Variants in SYN2 observed in about 807,000 individuals in gnomAD.
SYN2 encodes the protein synapsin-2.
SYN2 carries 19 observed loss-of-function variants against 50.9 expected under a neutral mutation model. The ratio of observed to expected loss-of-function variants is 0.37; its 90% CI spans 0.26 to 0.55. The LOEUF (loss-of-function observed/expected upper bound fraction) is 0.55, where lower values mean the gene tolerates loss of function less well. SYN2 is among the 20% of genes least tolerant of loss of function. SYN2 has a pLI of 0.81. For synonymous variants in SYN2, 255 were observed against 224.9 expected (o/e 1.13, Z -1.20); for missense variants, 587 against 576.4 (o/e 1.02, Z -0.19).
intron 1 of SYN2, among the ~76,000 whole-genome samples, chr3:12,021,967 G>T (rs955144833): frequency 6.6e-6 from 1 of 151,992 alleles, no homozygotes; most frequent in Non-Finnish European, 1.5e-5. Context: ...CTACTTTGGA[G>T]GTTGAGGCAC....
rs71044259 is a variant in SYN2, at chr3:12,057,287, C to CTGTCTGTCTGTG, written c.377+52362_377+52363insCTGTCTGTGTGT. ...AACCTGGGCGACAAGGCAAGACTGTCTGTGTGTGTGTGTGTGTGTGTGTGT... is the reference window on the plus strand; with the variant it reads ...AACCTGGGCGACAAGGCAAGACTGTCTGTCTGTCTGTGTGTGTGTGTGTGTGTGTGTGTGTGT... On this transcript the variant is annotated intron_variant, in intron 1 of 12. Coordinates refer to ENST00000621198, the MANE Select transcript of SYN2 (RefSeq NM_133625.6). Among the ~76,000 whole-genome samples the CTGTCTGTCTGTG allele has an allele frequency of 4.5e-5, 6 of 134,004 alleles. No homozygotes were observed. The East Asian group carries it at 6.5e-4, about 14-fold the overall frequency. The allele number at this position is 134,004 out of a possible 152,430, so 87.9% of individuals were successfully genotyped here.
intron 9 of SYN2, 95 bp from the exon 10 acceptor site, chr3:12,169,662 C>A: frequency 7.1e-7 from 1 of 1,413,956 alleles, no homozygotes; most frequent in African/African-American, 1.4e-5. Context: ...TCCAGTCCAT[C>A]TCTGCTGGCT....
At chr3:12,054,134 A>G (rs1694937065) in intron 1 of SYN2, among the ~76,000 whole-genome samples, 1 of 152,174 alleles carries the variant, frequency 6.6e-6, no homozygotes, top group Non-Finnish European at 1.5e-5. Flanking sequence ...TGGCAGGTAC[A>G]CCAGTCTGCC....
intron 1 of SYN2, among the ~76,000 whole-genome samples, chr3:12,131,009 A>C (rs1696786910): frequency 1.3e-5 from 2 of 152,176 alleles, no homozygotes; most frequent in Non-Finnish European, 2.9e-5. Flanking sequence ...AGGGGCTGGG[A>C]AACTGTCTGA....
chr3:12,130,775 G>A (rs1696781577), intron 1 of SYN2, among the ~76,000 whole-genome samples: 1 of 152,154 alleles, frequency 6.6e-6, no homozygotes, highest in Non-Finnish European at 1.5e-5. Context: ...CTATCAGGGG[G>A]CTTCTGATAC....
At chr3:12,161,481 T>C in intron 5 of SYN2, 65 bp from the exon 6 acceptor site, 2 of 1,578,716 alleles carry the variant, frequency 1.3e-6, no homozygotes, top group Admixed American at 1.7e-5. Context: ...AAGAAAAATA[T>C]GTGTAGGATT....
intron 9 of SYN2, among the ~76,000 whole-genome samples, chr3:12,169,328 A>G (rs1490407644): frequency 6.6e-6 from 1 of 152,216 alleles, no homozygotes; most frequent in East Asian, 1.9e-4. Flanking sequence ...TTTAGTGAGC[A>G]GAGAGTGCTT....
In SYN2 at chr3:12,104,897, A is replaced by T. The variant is rs533545158; in HGVS notation, c.378-35754A>T. Among the ~76,000 whole-genome samples the T allele has an allele frequency of 2.6e-5, 4 of 152,312 alleles. No homozygotes were observed. The East Asian group carries it at 7.7e-4, about 29-fold the overall frequency. ...GTGAAACATTTTTCAAAACAAAATA[A>T]CAAAACTTAGCGAAGAGGGAAGAGA... On this transcript the variant is annotated intron_variant, in intron 1 of 12. Coordinates refer to ENST00000621198, the MANE Select transcript of SYN2 (RefSeq NM_133625.6).
At chr3:12,161,863 G>A in intron 6 of SYN2, 149 bp from the exon 7 acceptor site, 2 of 1,204,216 alleles carry the variant, frequency 1.7e-6, no homozygotes, top group Non-Finnish European at 1.1e-6. Context: ...AAGCTAGGGA[G>A]AAGGGGCCTC....
At chr3:12,028,011 A>AT (rs1479164531) in intron 1 of SYN2, among the ~76,000 whole-genome samples, 1 of 64,660 alleles carries the variant, frequency 1.5e-5, no homozygotes, top group Non-Finnish European at 3.0e-5. Context: ...TTTTATTTTT[A>AT]TTTTTTCTTT....
chr3:12,190,722 T>C lies in SYN2; in HGVS notation c.*97T>C, dbSNP rs980355272. The stretch of plus-strand genomic sequence containing the variant: ...AGCTTGGTGGTTATGTCCCATGACC[T>C]TGACGTGTGTGGTCCCTTCCTCTGC... On this transcript the variant is annotated 3_prime_UTR_variant, in exon 13 of 13. Coordinates refer to ENST00000621198, the MANE Select transcript of SYN2 (RefSeq NM_133625.6). The C allele has an allele frequency of 3.3e-6, 5 of 1,522,004 alleles. No homozygotes were observed. The African/African-American group carries it at 4.2e-5, about 13-fold the overall frequency. 94.3% of individuals were successfully genotyped at this position (1,522,004 alleles called of 1,614,324 possible). A position where few individuals can be genotyped will look rare whatever the true frequency, so the allele number is the denominator to read the frequency against.
At chr3:12,133,935 C>T (rs1696840395) in intron 1 of SYN2, among the ~76,000 whole-genome samples, 1 of 152,092 alleles carries the variant, frequency 6.6e-6, no homozygotes, top group Non-Finnish European at 1.5e-5. Flanking sequence ...TAGAGATTAC[C>T]TGGGACTGAG....
chr3:12,081,025 A>T (rs770195803), intron 1 of SYN2, among the ~76,000 whole-genome samples: 3 of 152,212 alleles, frequency 2.0e-5, no homozygotes, highest in Non-Finnish European at 4.4e-5. Context: ...TCACCTGTTA[A>T]TGTATTTTCA....
chr3:12,114,726 C>T (rs939296440), intron 1 of SYN2, among the ~76,000 whole-genome samples: 1 of 152,050 alleles, frequency 6.6e-6, no homozygotes, highest in Non-Finnish European at 1.5e-5. Flanking sequence ...AGAAGGAAAC[C>T]AAATTTAGAA....
intron 1 of SYN2, among the ~76,000 whole-genome samples, chr3:12,062,623 T>A (rs1239029815): frequency 6.6e-6 from 1 of 151,918 alleles, no homozygotes; most frequent in East Asian, 1.9e-4. Context: ...AGGAATTGTA[T>A]CCAAATATAC....
rs1698448852 is a variant in SYN2 at position 12,191,788 on chromosome 3, C to T, written c.*1163C>T. On this transcript the variant is annotated 3_prime_UTR_variant, in exon 13 of 13. Transcript: ENST00000621198. Reference sequence around the variant, plus strand: ...CACTTGCCTGGTCTATCATCAAGCTCCTCAGCTGAGGCCCACATGGTGGTG... The same window carrying T: ...CACTTGCCTGGTCTATCATCAAGCTTCTCAGCTGAGGCCCACATGGTGGTG... 6.6e-6 allele frequency among the ~76,000 whole-genome samples: 1 copy of T among 152,160 alleles called. No homozygotes were observed. Among genetic ancestry groups the T allele is most frequent in the Non-Finnish European group, 1.5e-5 (1 of 68,042 alleles).
chr3:12,050,711 C>CTT (rs57099569), intron 1 of SYN2, among the ~76,000 whole-genome samples: 1,851 of 50,376 alleles, frequency 0.037, 716 homozygotes, highest in Non-Finnish European at 0.063. Flanking sequence ...CTTCTCTTCT[C>CTT]TTTTTTTTTT....
intron 1 of SYN2, among the ~76,000 whole-genome samples, chr3:12,016,671 A>G (rs1694035204): frequency 6.6e-6 from 1 of 152,170 alleles, no homozygotes; most frequent in Non-Finnish European, 1.5e-5. Flanking sequence ...AGCCTGGCCA[A>G]TATGGTGAAC....
At chr3:12,043,609 G>A (rs557361201) in intron 1 of SYN2, among the ~76,000 whole-genome samples, 44 of 152,286 alleles carry the variant, frequency 2.9e-4, no homozygotes, top group African/African-American at 9.1e-4. Context: ...GTTTTCAGCT[G>A]TCTACTTTCT....
Sources: gnomAD v4.1 joint callset for allele counts (sites outside exome capture counted in the v4.1 genomes callset) on GRCh38, gnomAD v4.1.1 for gene constraint, MANE v1.5 for transcripts, NCBI Gene and HGNC (gene_info 2026-07-23, HGNC 2026-07-21) for gene names.